Variants in PAK4 observed in about 807,000 individuals in gnomAD.
The protein encoded by PAK4 is serine/threonine-protein kinase PAK 4.
Under a neutral mutation model 53.5 loss-of-function variants are expected in PAK4, and 49 were observed. That is an observed-to-expected ratio of 0.92 (90% CI 0.73 to 1.16). The LOEUF (loss-of-function observed/expected upper bound fraction) is 1.16. Among genes scored for constraint, PAK4 ranks in the 50% most tolerant of loss-of-function variants. PAK4 has a pLI of 0.00. For missense variants in PAK4, 824 were observed against 850.7 expected (o/e 0.97, Z 0.39); for synonymous variants, 376 against 375.6 (o/e 1.00, Z -0.01).
At chr19:39,132,279 C>T (rs1216943172) in intron 1 of PAK4, among the ~76,000 whole-genome samples, 1 of 152,232 alleles carries the variant, frequency 6.6e-6, no homozygotes, top group Non-Finnish European at 1.5e-5. Context: ...TGAAAAACTG[C>T]ACACAGCACA....
intron 1 of PAK4, among the ~76,000 whole-genome samples, chr19:39,137,823 T>C (rs921640322): frequency 1.3e-5 from 2 of 152,000 alleles, no homozygotes; most frequent in East Asian, 3.9e-4. Context: ...TGCGCCACCA[T>C]GCCTGGCTAA....
At chr19:39,154,526 G>A (rs867395810) in intron 1 of PAK4, among the ~76,000 whole-genome samples, 3 of 152,204 alleles carry the variant, frequency 2.0e-5, no homozygotes, top group Non-Finnish European at 4.4e-5. Context: ...TTTACCCTTT[G>A]GTGCCTTTTG....
intron 1 of PAK4, chr19:39,168,651 A>G (rs959769858): frequency 6.6e-6 from 1 of 152,232 alleles, no homozygotes; most frequent in African/African-American, 2.4e-5. Flanking sequence ...CGCCATCAGA[A>G]TGTCTCTTCC....
At chr19:39,156,640 GGAAACCACAGCC>G (rs1361709457) in intron 1 of PAK4, 1 of 152,178 alleles carries the variant, frequency 6.6e-6, no homozygotes, top group African/African-American at 2.4e-5. Flanking sequence ...CTCCGTGGGT[GGAAACCACAGCC>G]GAGGCTCAAC....
intron 1 of PAK4, among the ~76,000 whole-genome samples, chr19:39,140,661 T>C (rs2073894292): frequency 6.6e-6 from 1 of 152,208 alleles, no homozygotes; most frequent in Non-Finnish European, 1.5e-5. Flanking sequence ...TGGTCCCGTA[T>C]GTCCCCACTC....
At chr19:39,140,704 C>A (rs1181643034) in intron 1 of PAK4, among the ~76,000 whole-genome samples, 1 of 152,298 alleles carries the variant, frequency 6.6e-6, no homozygotes, top group Admixed American at 6.5e-5. Context: ...TGCCTCCTCT[C>A]CCCCTACCCC....
chr19:39,160,348 G>C (rs556678826), intron 1 of PAK4, among the ~76,000 whole-genome samples: 1 of 137,604 alleles, frequency 7.3e-6, no homozygotes, highest in East Asian at 2.1e-4. Context: ...TGCTCTAGAT[G>C]CCGGCAAGAA....
intron 4 of PAK4, 59 bp from the exon 6 acceptor site, chr19:39,174,872 T>TGGGTCTGGCACTGGCA: frequency 6.2e-7 from 1 of 1,605,010 alleles, no homozygotes; most frequent in African/African-American, 1.3e-5. Flanking sequence ...TGGCGGTGGC[T>TGGGTCTGGCACTGGCA]GGGTCTGGCA....
At chr19:39,127,535 G>T (rs893841616) in intron 1 of PAK4, among the ~76,000 whole-genome samples, 2 of 152,000 alleles carry the variant, frequency 1.3e-5, no homozygotes, top group Admixed American at 1.3e-4. Context: ...TCCTTGCCTC[G>T]GTCCCCACTG....
chr19:39,126,782 A>C (rs1207356394), intron 1 of PAK4, among the ~76,000 whole-genome samples: 1 of 152,146 alleles, frequency 6.6e-6, no homozygotes, highest in East Asian at 1.9e-4. Flanking sequence ...ACTGTGCTCC[A>C]CGCCCTGTGT....
chr19:39,134,046 C>T (rs978714010), intron 1 of PAK4, among the ~76,000 whole-genome samples: 1 of 152,202 alleles, frequency 6.6e-6, no homozygotes, highest in Non-Finnish European at 1.5e-5. Flanking sequence ...GTCCTTCTCT[C>T]CCGAGGAACC....
At chr19:39,148,447 A>G (rs59303188) in intron 1 of PAK4, among the ~76,000 whole-genome samples, 2,450 of 103,306 alleles carry the variant, frequency 0.024, 80 homozygotes, top group African/African-American at 0.082. Context: ...TGTCTTAGGT[A>G]CCAAATAAGT....
rs2074284652 is a variant in PAK4 at position 39,161,567 on chromosome 19, T to C, written c.-22-7965T>C. On this transcript the variant is annotated intron_variant, in intron 1 of 8. Coordinates refer to ENST00000358301, the Ensembl canonical transcript of PAK4. This position sits in a 1 kb window ranked among gnomAD's most constrained non-coding sequence, Gnocchi z 4.5. Reference sequence around the variant, plus strand: ...CCTCCTCCCTGGTCCCCCTTTCCGTTCTGCCCCCACAGACTGTTCCCAGCC... The same window carrying C: ...CCTCCTCCCTGGTCCCCCTTTCCGTCCTGCCCCCACAGACTGTTCCCAGCC... 6.6e-6 allele frequency among the ~76,000 whole-genome samples: 1 copy of C among 151,694 alleles called. No homozygotes were observed. Among genetic ancestry groups the C allele is most frequent in the Non-Finnish European group, 1.5e-5 (1 of 67,920 alleles).
At chr19:39,168,299 C>T (rs959675733) in intron 1 of PAK4, 1 of 152,262 alleles carries the variant, frequency 6.6e-6, no homozygotes, top group African/African-American at 2.4e-5. Flanking sequence ...CAGCATCAGA[C>T]CAGGTGTGTG....
At chr19:39,169,236 T>C (rs1464370600) in intron 1 of PAK4, among the ~76,000 whole-genome samples, 4 of 145,812 alleles carry the variant, frequency 2.7e-5, no homozygotes, top group Non-Finnish European at 1.5e-5. Context: ...GTGCAAAGGC[T>C]CTGAGGTCTC....
chr19:39,130,119 G>A (rs1203695031), intron 1 of PAK4, among the ~76,000 whole-genome samples: 1 of 151,552 alleles, frequency 6.6e-6, no homozygotes, highest in Non-Finnish European at 1.5e-5. Context: ...AAGGGTCAGG[G>A]CGGGATGTGG....
chr19:39,174,890 C>G (rs746194459), intron 4 of PAK4, 41 bp from the exon 6 acceptor site: 81 of 1,610,204 alleles, frequency 5.0e-5, no homozygotes, highest in Non-Finnish European at 6.5e-5. Flanking sequence ...GCACTGGCAG[C>G]CCTCCCGCCT....
intron 1 of PAK4, among the ~76,000 whole-genome samples, chr19:39,159,046 C>T (rs189786081): frequency 1.4e-4 from 22 of 152,312 alleles, no homozygotes; most frequent in Non-Finnish European, 2.8e-4. Flanking sequence ...TCGTCTTATT[C>T]GCTCGTCCAA....
intron 1 of PAK4, among the ~76,000 whole-genome samples, chr19:39,144,444 C>G (rs2145161345): frequency 6.6e-6 from 1 of 152,370 alleles, no homozygotes; most frequent in Admixed American, 6.5e-5. Flanking sequence ...CAGCCAGAAG[C>G]CGTCCCTGCC....
Sources: gnomAD v4.1 joint callset for allele counts (sites outside exome capture counted in the v4.1 genomes callset) on GRCh38, gnomAD v4.1.1 for gene constraint, Gnocchi (gnomAD v3.1) non-coding constraint, MANE v1.5 for transcripts, NCBI Gene and HGNC (gene_info 2026-07-23, HGNC 2026-07-21) for gene names.